Variants in CFAP77 observed in about 807,000 individuals in gnomAD.
The protein encoded by CFAP77 is cilia- and flagella-associated protein 77.
A neutral mutation model predicts 31.1 loss-of-function variants in CFAP77; 25 were observed. The observed-to-expected ratio is 0.80, with a 90% CI of 0.59 to 1.12. The LOEUF (loss-of-function observed/expected upper bound fraction) is 1.12. Among genes scored for constraint, CFAP77 ranks in the 50% most tolerant of loss-of-function variants. CFAP77 has a pLI of 0.00. For synonymous variants in CFAP77, 151 were observed against 159.9 expected (o/e 0.94, Z 0.42); for missense variants, 377 against 397.3 (o/e 0.95, Z 0.44).
At chr9:132,571,183 C>A (rs571104114) in intron 5 of CFAP77, among the ~76,000 whole-genome samples, 1 of 152,250 alleles carries the variant, frequency 6.6e-6, no homozygotes, top group Admixed American at 6.5e-5. Context: ...AGGCATGGGT[C>A]CTGCTTTATC....
chr9:132,453,473 CT>C (rs1339921923), intron 1 of CFAP77, among the ~76,000 whole-genome samples: 2 of 152,210 alleles, frequency 1.3e-5, no homozygotes, highest in African/African-American at 4.8e-5. Flanking sequence ...TTGCAGTGAG[CT>C]GAGATCACGC....
Position 132,490,739 on chromosome 9 carries a change from C to T in CFAP77, c.196-7956C>T, listed in dbSNP as rs924534817. On this transcript the variant is annotated intron_variant, in intron 1 of 5. Coordinates refer to ENST00000393216, the MANE Select transcript of CFAP77 (RefSeq NM_001282957.2). This position sits in a 1 kb window ranked among gnomAD's most constrained non-coding sequence, Gnocchi z 4.6. Reference sequence around the variant, plus strand: ...GTCTTTCTTTTCCTGATTACCCTTCCCCCAACGCAGTCAAGACAGCTGTCC... The same window carrying T: ...GTCTTTCTTTTCCTGATTACCCTTCTCCCAACGCAGTCAAGACAGCTGTCC... 2.6e-5 allele frequency among the ~76,000 whole-genome samples: 4 copies of T among 152,176 alleles called. No individual in the cohort carries two copies. Among genetic ancestry groups the T allele is most frequent in the Non-Finnish European group, 5.9e-5 (4 of 68,034 alleles).
At chr9:132,534,331 G>A (rs185628081) in intron 3 of CFAP77, among the ~76,000 whole-genome samples, 45 of 152,096 alleles carry the variant, frequency 3.0e-4, no homozygotes, top group African/African-American at 9.6e-4. Flanking sequence ...GAACTTTTCC[G>A]GCCGGGCACG....
At chr9:132,513,718 GGC>G (rs976431236) in intron 3 of CFAP77, among the ~76,000 whole-genome samples, 1 of 152,004 alleles carries the variant, frequency 6.6e-6, no homozygotes, top group Non-Finnish European at 1.5e-5. Flanking sequence ...GGCCCCCACC[GGC>G]ACCCTGGCAC....
intron 3 of CFAP77, among the ~76,000 whole-genome samples, chr9:132,504,311 A>C (rs1345481803): frequency 6.6e-6 from 1 of 152,234 alleles, no homozygotes; most frequent in East Asian, 1.9e-4. Flanking sequence ...TTTCCACGGC[A>C]TCACTGAAGT....
chr9:132,412,849 A>G (rs1803596823), intron 1 of CFAP77, among the ~76,000 whole-genome samples: 1 of 152,096 alleles, frequency 6.6e-6, no homozygotes, highest in Admixed American at 6.6e-5. Context: ...TTTTCATGTT[A>G]TGGAAATTTC....
chr9:132,477,956 A>G (rs1851378792), intron 1 of CFAP77, among the ~76,000 whole-genome samples: 1 of 152,178 alleles, frequency 6.6e-6, no homozygotes, highest in Non-Finnish European at 1.5e-5. Flanking sequence ...TTAGAAGATG[A>G]GAAAGTCCAA....
In CFAP77 at chr9:132,559,323, C is replaced by T. The variant is rs146361152; in HGVS notation, c.733-13065C>T. On this transcript the variant is annotated intron_variant, in intron 5 of 5. Transcript: ENST00000393216. ...TCGCGCCACTGCACTCCAGCCTGCG[C>T]GTCAGAGTGAGACTCTGTCTTGCAA... 1.1e-3 allele frequency among the ~76,000 whole-genome samples: 115 copies of T among 106,540 alleles called. 2 individuals carry two copies. Among genetic ancestry groups the T allele is most frequent in the African/African-American group, 3.6e-3 (96 of 26,634 alleles). 69.9% of individuals were successfully genotyped at this position (106,540 alleles called of 152,430 possible). A position where few individuals can be genotyped will look rare whatever the true frequency, so the allele number is the denominator to read the frequency against.
rs939253301 is a variant in CFAP77 at position 132,424,765 on chromosome 9, G to A, written c.195+14299G>A. Among the ~76,000 whole-genome samples, 6 of 152,196 alleles carry A rather than the reference G, an allele frequency of 3.9e-5. No homozygotes were observed. Among genetic ancestry groups the A allele is most frequent in the Non-Finnish European group, 5.9e-5 (4 of 68,036 alleles). ...GGATTTCAGGTTATTCCAAACGTGC[G>A]CATCTGCCGGCCAGGGAGCCAGGAT... On this transcript the variant is annotated intron_variant, in intron 1 of 5. Coordinates refer to ENST00000393216, the MANE Select transcript of CFAP77 (RefSeq NM_001282957.2). The surrounding 1 kb of genome is among the most constrained non-coding windows in gnomAD (Gnocchi z 4.1).
At chr9:132,464,966 C>T (rs951303637) in intron 1 of CFAP77, among the ~76,000 whole-genome samples, 6 of 149,476 alleles carry the variant, frequency 4.0e-5, no homozygotes, top group East Asian at 2.0e-4. Flanking sequence ...CCCAGCTACT[C>T]GGGAGGTTGA....
chr9:132,467,987 G>A lies in CFAP77; in HGVS notation c.196-30708G>A, dbSNP rs148886427. On this transcript the variant is annotated intron_variant, in intron 1 of 5. Coordinates refer to ENST00000393216, the MANE Select transcript of CFAP77 (RefSeq NM_001282957.2). The stretch of plus-strand genomic sequence containing the variant: ...TGAGATAAGGGGCACACAAGCAGAT[G>A]TGGATCTGATGAGCTCACTCCCCCT... Among the ~76,000 whole-genome samples the A allele has an allele frequency of 6.4e-3, 975 of 152,174 alleles. 10 individuals carry two copies. Among genetic ancestry groups the A allele is most frequent in the African/African-American group, 0.022 (907 of 41,502 alleles).
intron 3 of CFAP77, among the ~76,000 whole-genome samples, chr9:132,529,880 G>A (rs898228336): frequency 2.0e-5 from 3 of 151,694 alleles, no homozygotes; most frequent in Non-Finnish European, 2.9e-5. Flanking sequence ...ACAGTTTTCC[G>A]GAGTGGCTGT....
At chr9:132,467,534 T>C (rs770367142) in intron 1 of CFAP77, among the ~76,000 whole-genome samples, 14 of 152,212 alleles carry the variant, frequency 9.2e-5, no homozygotes, top group Non-Finnish European at 2.1e-4. Context: ...TTTCCTTCCT[T>C]TTTAAGGCTG....
At position 132,517,115 on chromosome 9, in the gene CFAP77, C is replaced by T. The variant is rs1852162455; in HGVS notation, c.524+17515C>T. On this transcript the variant is annotated intron_variant, in intron 3 of 5. Coordinates refer to ENST00000393216, the MANE Select transcript of CFAP77 (RefSeq NM_001282957.2). The surrounding 1 kb of genome is among the most constrained non-coding windows in gnomAD (Gnocchi z 4.7). Reference sequence around the variant, plus strand: ...GACGGCTCCACTTCTGGGTGTCCCTCATGGATCGGGTGTCGATTTCGTATC... The same window carrying T: ...GACGGCTCCACTTCTGGGTGTCCCTTATGGATCGGGTGTCGATTTCGTATC... Among the ~76,000 whole-genome samples, 1 of 152,174 alleles carries T rather than the reference C, an allele frequency of 6.6e-6. No individual in the cohort carries two copies. Among genetic ancestry groups the T allele is most frequent in the Admixed American group, 6.5e-5 (1 of 15,282 alleles).
intron 1 of CFAP77, among the ~76,000 whole-genome samples, chr9:132,422,500 G>A (rs1032377489): frequency 1.3e-5 from 2 of 152,234 alleles, no homozygotes; most frequent in Non-Finnish European, 2.9e-5. Context: ...GTTACTGGAA[G>A]TGGAGTGTGT....
At chr9:132,412,412 C>T (rs1850023400) in intron 1 of CFAP77, among the ~76,000 whole-genome samples, 1 of 152,182 alleles carries the variant, frequency 6.6e-6, no homozygotes, top group Admixed American at 6.5e-5. Context: ...GTTAAGATGA[C>T]GTCCACTTTT....
chr9:132,561,483 A>T (rs1489630102), intron 5 of CFAP77, among the ~76,000 whole-genome samples: 10 of 151,924 alleles, frequency 6.6e-5, no homozygotes. Flanking sequence ...CTGCTGGCTC[A>T]GCTGCCCTGG....
At chr9:132,536,645 C>T (rs1852549561) in intron 3 of CFAP77, among the ~76,000 whole-genome samples, 1 of 152,134 alleles carries the variant, frequency 6.6e-6, no homozygotes, top group Non-Finnish European at 1.5e-5. Flanking sequence ...CCACCTGCCT[C>T]GGCCTCCCAA....
chr9:132,471,097 G>C (rs1394685612), intron 1 of CFAP77, among the ~76,000 whole-genome samples: 1 of 152,212 alleles, frequency 6.6e-6, no homozygotes, highest in Non-Finnish European at 1.5e-5. Context: ...CCAGGGCACT[G>C]TGTCCCACTG....
Sources: gnomAD v4.1 joint callset for allele counts (sites outside exome capture counted in the v4.1 genomes callset) on GRCh38, gnomAD v4.1.1 for gene constraint, Gnocchi (gnomAD v3.1) non-coding constraint, MANE v1.5 for transcripts, NCBI Gene and HGNC (gene_info 2026-07-23, HGNC 2026-07-21) for gene names.